EBF3: variants seen among roughly 807,000 people sequenced by gnomAD.
EBF3 encodes EBF transcription factor 3.
A neutral mutation model predicts 77.1 loss-of-function variants in EBF3; 18 were observed. That is an observed-to-expected ratio of 0.23 (90% confidence interval 0.16 to 0.35). EBF3 has a LOEUF of 0.35. Ranked by LOEUF, EBF3 falls within the 10% of genes least tolerant of loss-of-function variation. The pLI, the probability that EBF3 is intolerant of heterozygous loss-of-function variation, is 1.00. For synonymous variants in EBF3, 350 were observed against 343.5 expected (o/e 1.02, Z -0.21); for missense variants, 558 against 860.0 (o/e 0.65, Z 4.39).
intron 6 of EBF3, among the ~76,000 whole-genome samples, chr10:129,899,719 GA>G (rs1388680074): frequency 2.0e-5 from 3 of 151,844 alleles, no homozygotes; most frequent in Non-Finnish European, 2.9e-5. Context: ...CACCGTGCGT[GA>G]AAAAAAAGCC....
intron 8 of EBF3, among the ~76,000 whole-genome samples, chr10:129,869,437 C>T (rs1852259780): frequency 6.6e-6 from 1 of 151,626 alleles, no homozygotes; most frequent in Non-Finnish European, 1.5e-5. Context: ...CCACGGCTCT[C>T]CAGCTGCAGA....
rs1197445668 is a variant in EBF3, at chr10:129,885,188, C to G, written c.555-7339G>C. ...GATCTTGTACTTTTGCAATGATTCT[C>G]ATTAAAATGATGCCAAAGAGATCTG... On this transcript the variant is annotated intron_variant, in intron 6 of 16. Coordinates refer to ENST00000440978, the MANE Select transcript of EBF3 (RefSeq NM_001375380.1). This position sits in a 1 kb window ranked among gnomAD's most constrained non-coding sequence, Gnocchi z 4.0. Among the ~76,000 whole-genome samples the G allele has an allele frequency of 6.6e-6, 1 of 152,174 alleles. No individual in the cohort carries two copies. Among genetic ancestry groups the G allele is most frequent in the Non-Finnish European group, 1.5e-5 (1 of 68,034 alleles).
chr10:129,902,220 A>C, intron 6 of EBF3, among the ~76,000 whole-genome samples: 1 of 141,660 alleles, frequency 7.1e-6, no homozygotes, highest in East Asian at 2.3e-4. Flanking sequence ...AACACAAGGA[A>C]CTTCCAGACA....
At position 129,914,422 on chromosome 10, in the gene EBF3, G is replaced by A. The variant is rs540917355; in HGVS notation, c.555-36573C>T. 9.9e-5 allele frequency among the ~76,000 whole-genome samples: 15 copies of A among 152,264 alleles called. No individual in the cohort carries two copies. The East Asian group carries it at 2.1e-3, about 22-fold the overall frequency. On this transcript the variant is annotated intron_variant, in intron 6 of 16. Transcript: ENST00000440978. ...GGCTGGTTCACTGGAGCCCAGAGGC[G>A]CATGCAAGGTGCTTTCGAAAATACC... is the stretch of plus-strand genomic sequence containing the variant.
chr10:129,962,081 G>T, intron 4 of EBF3, 90 bp downstream of exon 4: 1 of 1,204,372 alleles, frequency 8.3e-7, no homozygotes, highest in Non-Finnish European at 1.2e-6. Flanking sequence ...ACAAATACAC[G>T]AGATCCATTT....
At chr10:129,884,045 T>C (rs986180510) in intron 6 of EBF3, among the ~76,000 whole-genome samples, 2 of 152,274 alleles carry the variant, frequency 1.3e-5, no homozygotes, top group Admixed American at 6.5e-5. Context: ...AATGAAATAG[T>C]TAAGAGTCAA....
intron 6 of EBF3, among the ~76,000 whole-genome samples, chr10:129,948,259 CAAAAAAAAAAAAAA>C (rs71481027): frequency 2.2e-5 from 1 of 45,754 alleles, no homozygotes; most frequent in Admixed American, 2.7e-4. Context: ...AACTCCGTCT[CAAAAAAAAAAAAAA>C]AAAAAAAAAA....
chr10:129,919,311 G>T (rs983004103), intron 6 of EBF3, among the ~76,000 whole-genome samples: 2 of 152,130 alleles, frequency 1.3e-5, no homozygotes, highest in African/African-American at 4.8e-5. Context: ...AGGCTGTCCA[G>T]GTGGAGGGAA....
chr10:129,914,713 C>A (rs756297684), intron 6 of EBF3, among the ~76,000 whole-genome samples: 8 of 152,146 alleles, frequency 5.3e-5, no homozygotes, highest in Non-Finnish European at 1.2e-4. Flanking sequence ...TCCACCTTTG[C>A]CATGGTAGAG....
intron 6 of EBF3, among the ~76,000 whole-genome samples, chr10:129,882,957 A>T (rs541169200): frequency 6.6e-6 from 1 of 152,362 alleles, no homozygotes; most frequent in Admixed American, 6.5e-5. Context: ...AAGGAGAAAT[A>T]GATTGTCTCC....
intron 15 of EBF3, among the ~76,000 whole-genome samples, 177 bp from the exon 16 acceptor site, chr10:129,839,372 G>A (rs77498853): frequency 0.015 from 2,342 of 152,316 alleles, 33 homozygotes; most frequent in Non-Finnish European, 0.023. Context: ...AGGGCCACTC[G>A]CAAGTTCATG....
chr10:129,958,836 A>C (rs938646794), intron 5 of EBF3, 98 bp downstream of exon 5: 60 of 1,423,170 alleles, frequency 4.2e-5, no homozygotes, highest in Admixed American at 1.9e-4. Context: ...CCCTTCCCGG[A>C]GCTGGGCGGG....
intron 6 of EBF3, among the ~76,000 whole-genome samples, chr10:129,880,544 C>T (rs1303505270): frequency 1.3e-5 from 2 of 152,224 alleles, no homozygotes; most frequent in Non-Finnish European, 2.9e-5. Flanking sequence ...CTCACTCCCT[C>T]TCTTTATTTT....
At chr10:129,961,966 AT>A (rs1859558524) in intron 4 of EBF3, among the ~76,000 whole-genome samples, 1 of 152,248 alleles carries the variant, frequency 6.6e-6, no homozygotes. Context: ...TTAATAAAGC[AT>A]ATATGTCCTG....
At position 129,875,187 on chromosome 10, in the gene EBF3, C is replaced by CTTCTTTTTTTTTTTTTTTTT. The variant is rs1852672323; in HGVS notation, c.637-1592_637-1591insAAAAAAAAAAAAAAAAAGAA. On this transcript the variant is annotated intron_variant, in intron 7 of 16. Coordinates refer to ENST00000440978, the MANE Select transcript of EBF3 (RefSeq NM_001375380.1). ...ATACATGTGCAAGTGATGGCTTCTT[C>CTTCTTTTTTTTTTTTTTTTT]TTTTTTTTTTTTTTTTTTTTTTTTT... Among the ~76,000 whole-genome samples the CTTCTTTTTTTTTTTTTTTTT allele has an allele frequency of 6.5e-5, 6 of 92,932 alleles. 1 individual carries two copies. The highest frequency in any genetic ancestry group is 2.5e-4 in the African/African-American group (6 of 24,372). 61.0% of individuals were successfully genotyped at this position (92,932 alleles called of 152,430 possible).
At chr10:129,865,042 C>CA (rs1851899705) in intron 10 of EBF3, among the ~76,000 whole-genome samples, 1 of 152,340 alleles carries the variant, frequency 6.6e-6, no homozygotes, top group African/African-American at 2.4e-5. Context: ...TGTCTGCAAA[C>CA]ACCAGGTCTT....
At chr10:129,917,211 A>T (rs894835756) in intron 6 of EBF3, among the ~76,000 whole-genome samples, 1 of 152,106 alleles carries the variant, frequency 6.6e-6, no homozygotes, top group Non-Finnish European at 1.5e-5. Context: ...TCTACTAAAA[A>T]TACAAAAATT....
chr10:129,937,813 CTT>C (rs1314836009), intron 6 of EBF3, among the ~76,000 whole-genome samples: 1 of 152,216 alleles, frequency 6.6e-6, no homozygotes, highest in African/African-American at 2.4e-5. Flanking sequence ...CCGAGCCACA[CTT>C]TCCCCAAGAC....
In EBF3 at chr10:129,871,162, G is replaced by A. The variant is rs181555685; in HGVS notation, c.781+2290C>T. ...CATTACGGCACTTGGCATGCAAATCGCTTCTGTGCTGCAGGCCGGGTGCTG... is the reference window on the plus strand; with the variant it reads ...CATTACGGCACTTGGCATGCAAATCACTTCTGTGCTGCAGGCCGGGTGCTG... On this transcript the variant is annotated intron_variant, in intron 8 of 16. Coordinates refer to ENST00000440978, the MANE Select transcript of EBF3 (RefSeq NM_001375380.1). 4.8e-4 allele frequency among the ~76,000 whole-genome samples: 73 copies of A among 152,276 alleles called. 1 individual carries two copies. Among genetic ancestry groups the A allele is most frequent in the African/African-American group, 1.7e-3 (70 of 41,570 alleles).
Sources: allele counts gnomAD v4.1 joint callset (sites outside exome capture counted in the v4.1 genomes callset), GRCh38; gene constraint gnomAD v4.1.1; non-coding constraint Gnocchi (gnomAD v3.1); transcripts MANE v1.5; gene names NCBI Gene and HGNC (gene_info 2026-07-23, HGNC 2026-07-21).